The following DMD variants were observed in gnomAD, a reference collection of about 807,000 sequenced individuals.
DMD encodes the protein mutant dystrophin.
A neutral mutation model predicts 330.1 loss-of-function variants in DMD; 63 were observed. The observed-to-expected ratio is 0.19, with a 90% confidence interval of 0.16 to 0.24. DMD has a LOEUF of 0.24. DMD is among the 10% of genes least tolerant of loss of function. DMD has a pLI of 1.00. For synonymous variants in DMD, 1,223 were observed against 959.8 expected (o/e 1.27, Z -5.07); for missense variants, 3,344 against 2,684.1 (o/e 1.25, Z -5.43).
chrX:32,343,306 T>A lies in DMD; in HGVS notation c.5587-20A>T, dbSNP rs909026795. ...CAAATCCTGTTCATGGTGCAGACAT[T>A]ATTAAAATATCAATATATATGTATA... On this transcript the variant is annotated intron_variant, in intron 39 of 78. Coordinates refer to ENST00000357033, the MANE Select transcript of DMD (RefSeq NM_004006.3). 15 of 1,175,932 alleles carry A rather than the reference T, an allele frequency of 1.3e-5. No individual in the cohort carries two copies. The highest frequency in any genetic ancestry group is 1.7e-5 in the Non-Finnish European group (15 of 866,095).
intron 44 of DMD, among the ~76,000 whole-genome samples, chrX:31,972,902 G>A (rs537928876): frequency 1.8e-5 from 2 of 110,987 alleles, no homozygotes; most frequent in African/African-American, 6.5e-5. Flanking sequence ...GTGTCTCTTC[G>A]TCAGTGCCAA....
At chrX:31,687,359 G>T (rs1202186507) in intron 52 of DMD, among the ~76,000 whole-genome samples, 2 of 111,564 alleles carry the variant, frequency 1.8e-5, no homozygotes, top group East Asian at 5.7e-4. Context: ...AAGCAGGCAG[G>T]CTTCTGGGAT....
At chrX:33,083,981 C>T (rs760877083) in intron 1 of DMD, among the ~76,000 whole-genome samples, 8 of 111,393 alleles carry the variant, frequency 7.2e-5, no homozygotes, top group Admixed American at 3.8e-4. Context: ...CTAGGATACT[C>T]ACCAATCCAG....
intron 20 of DMD, 91 bp from the exon 21 acceptor site, chrX:32,485,190 T>A (rs958351286): frequency 1.2e-6 from 1 of 836,954 alleles, no homozygotes; most frequent in Non-Finnish European, 1.8e-6. Context: ...GTAAGGCAAG[T>A]TTAGCTTAAT....
chrX:31,988,823 G>C (rs976805412), intron 44 of DMD, among the ~76,000 whole-genome samples: 2 of 110,824 alleles, frequency 1.8e-5, no homozygotes, highest in Admixed American at 9.6e-5. Context: ...CAGAGAGGGA[G>C]AGACTTATTG....
chrX:32,917,578 T>C (rs2087948885), intron 2 of DMD, among the ~76,000 whole-genome samples: 1 of 111,329 alleles, frequency 9.0e-6, no homozygotes, highest in Non-Finnish European at 1.9e-5. Flanking sequence ...AATTTCAAAA[T>C]CTCCGCTCTA....
At chrX:32,992,655 T>C (rs143240160) in intron 2 of DMD, among the ~76,000 whole-genome samples, 3,011 of 110,770 alleles carry the variant, frequency 0.027, 102 homozygotes, top group African/African-American at 0.092. Flanking sequence ...TGGGGTAATC[T>C]CAGTATTTTG....
At chrX:32,664,444 T>A (rs773027980) in intron 9 of DMD, among the ~76,000 whole-genome samples, 1 of 109,945 alleles carries the variant, frequency 9.1e-6, no homozygotes, top group East Asian at 2.9e-4. Context: ...GGTTTCACCG[T>A]GTTAGCCAGG....
chrX:33,249,238 C>T (rs1404500355), intron 1 of DMD, among the ~76,000 whole-genome samples: 1 of 112,130 alleles, frequency 8.9e-6, no homozygotes, highest in East Asian at 2.8e-4. Context: ...GCGACCTCCA[C>T]CTCCTGGGTT....
intron 43 of DMD, among the ~76,000 whole-genome samples, chrX:32,224,623 G>C (rs1178074472): frequency 1.8e-5 from 2 of 111,469 alleles, no homozygotes; most frequent in African/African-American, 6.5e-5. Flanking sequence ...TAAACACAGT[G>C]ATATAAAATG....
intron 1 of DMD, among the ~76,000 whole-genome samples, chrX:33,334,178 T>G (rs2054219163): frequency 1.8e-5 from 2 of 111,863 alleles, no homozygotes; most frequent in Admixed American, 9.6e-5. Context: ...CTTCAATTTT[T>G]TATGGAAACA....
intron 34 of DMD, among the ~76,000 whole-genome samples, chrX:32,378,687 G>C (rs1364412628): frequency 9.0e-6 from 1 of 110,666 alleles, no homozygotes; most frequent in Admixed American, 9.7e-5. Context: ...AAAAGAAATT[G>C]ACTCTAGATA....
chrX:31,403,428 A>T (rs9887256), intron 60 of DMD, among the ~76,000 whole-genome samples: 13,170 of 111,428 alleles, frequency 0.12, 636 homozygotes, highest in Admixed American at 0.17. Context: ...AATATCAATA[A>T]TACAAACAAA....
intron 44 of DMD, among the ~76,000 whole-genome samples, chrX:32,194,805 G>T (rs1276582921): frequency 8.9e-6 from 1 of 111,819 alleles, no homozygotes; most frequent in African/African-American, 3.3e-5. Flanking sequence ...GGTAAAGATA[G>T]AAATATAATA....
At chrX:32,313,702 G>T (rs1472957448) in intron 41 of DMD, among the ~76,000 whole-genome samples, 1 of 111,899 alleles carries the variant, frequency 8.9e-6, no homozygotes, top group Non-Finnish European at 1.9e-5. Context: ...CTTCAGCAAA[G>T]TCTCAGGATA....
At chrX:32,350,700 C>T (rs1398424195) in intron 37 of DMD, among the ~76,000 whole-genome samples, 1 of 111,105 alleles carries the variant, frequency 9.0e-6, no homozygotes, top group Non-Finnish European at 1.9e-5. Flanking sequence ...AAAAACCTTT[C>T]TTTCATTATG....
At chrX:31,662,967 A>G (rs1659114659) in intron 53 of DMD, among the ~76,000 whole-genome samples, 1 of 111,289 alleles carries the variant, frequency 9.0e-6, no homozygotes, top group Admixed American at 9.5e-5. Context: ...AACCACCAAG[A>G]GGTCGTTTGC....
rs34563188 is a variant in DMD at position 32,545,330 on chromosome X, G to A, written c.1997C>T (p.Ser666Leu). 943 of 1,207,831 alleles carry A rather than the reference G, an allele frequency of 7.8e-4. 6 individuals are homozygous for A. In the African/African-American group the frequency reaches 0.015, roughly 19 times the overall value. Residue 666 changes from serine to leucine, a missense_variant, in exon 17 of 79, where the codon TCA becomes TTA. Physicochemically the swap from Ser to Leu is moderately radical, Grantham distance 145 (BLOSUM62 -2). Transcript: ENST00000357033. ...TGGCTGAGTGGTGGTGACAGCCTGT[G>A]AAATCTGTGAGAAGTATTGAAACAG... is the stretch of plus-strand genomic sequence containing the variant. ...QKLEKSTAQI[S>L]QAVTTTQPSL...
chrX:31,380,192 G>A (rs1307175862), intron 60 of DMD, among the ~76,000 whole-genome samples: 3 of 110,427 alleles, frequency 2.7e-5, no homozygotes, highest in Non-Finnish European at 5.7e-5. Context: ...CCCAAACTCT[G>A]GTGCCAACTT....
Sources: allele counts gnomAD v4.1 joint callset (sites outside exome capture counted in the v4.1 genomes callset), GRCh38; gene constraint gnomAD v4.1.1; transcripts MANE v1.5; gene names NCBI Gene and HGNC (gene_info 2026-07-23, HGNC 2026-07-21).